Variants in CPLANE1 observed in about 807,000 individuals in gnomAD.
The protein encoded by CPLANE1 is ciliogenesis and planar polarity effector complex subunit 1.
In CPLANE1, 263 loss-of-function variants were observed where a neutral mutation model predicts 362.5. That is an observed-to-expected ratio of 0.73 (90% CI 0.66 to 0.80). The LOEUF (loss-of-function observed/expected upper bound fraction) is 0.80, where lower values mean the gene tolerates loss of function less well. Among genes scored for constraint, CPLANE1 ranks in the 30% least tolerant of loss-of-function variants. The pLI, the probability that CPLANE1 is intolerant of heterozygous loss-of-function variation, is 0.00. For missense variants in CPLANE1, 3,461 were observed against 3,793.4 expected, an observed-to-expected ratio of 0.91 and a Z score of 2.30; for synonymous variants, 1,212 against 1,302.6, an observed-to-expected ratio of 0.93 and a Z score of 1.50.
rs1296532316 is a variant in CPLANE1 at position 37,142,310 on chromosome 5, CAGG to C, written c.8629_8631del (p.Pro2877del). On this transcript the variant is annotated inframe_deletion and splice_region_variant, in exon 44 of 53. Coordinates refer to ENST00000651892, the MANE Select transcript of CPLANE1 (RefSeq NM_001384732.1). ...TAAATGAAAAAGTAAAGAACAATACCAGGAGAAGTAGTATTCTGATCACTGGAA... is the reference window on the plus strand; with the variant it reads ...TAAATGAAAAAGTAAAGAACAATACCAGAAGTAGTATTCTGATCACTGGAA... 1 of 1,554,730 alleles carries C rather than the reference CAGG, an allele frequency of 6.4e-7. No homozygotes were observed.
the CPLANE1 span, among the ~76,000 whole-genome samples, chr5:37,081,341 G>GTC: frequency 4.1e-4 from 62 of 150,324 alleles, no homozygotes; most frequent in South Asian, 6.3e-4. Context: ...TTGAGACAGA[G>GTC]TCTCTCTCTC....
intron 32 of CPLANE1, among the ~76,000 whole-genome samples, chr5:37,171,155 G>A (rs761148510): frequency 1.2e-4 from 18 of 152,072 alleles, no homozygotes; most frequent in Admixed American, 5.9e-4. Flanking sequence ...ATCAATAATC[G>A]CAATGTCTGA....
chr5:37,208,887 G>C (rs1791698369), intron 16 of CPLANE1, among the ~76,000 whole-genome samples: 1 of 150,124 alleles, frequency 6.7e-6, no homozygotes, highest in Non-Finnish European at 1.5e-5. Flanking sequence ...AAAAGAACAA[G>C]TACTTTATCA....
rs189299334 is a variant in CPLANE1 at position 37,205,758 on chromosome 5, G to T, written c.3150-304C>A. 2.3e-4 allele frequency among the ~76,000 whole-genome samples: 35 copies of T among 152,232 alleles called. 1 individual carries two copies. In the East Asian group the frequency reaches 6.2e-3, roughly 27 times the overall value. Reference sequence around the variant, plus strand: ...AGACAGGGTCTCACTCTGTTGCCCAGGCTGACGTGTAATGACATGATCACG... The same window carrying T: ...AGACAGGGTCTCACTCTGTTGCCCATGCTGACGTGTAATGACATGATCACG... On this transcript the variant is annotated intron_variant, in intron 17 of 52. Coordinates refer to ENST00000651892, the MANE Select transcript of CPLANE1 (RefSeq NM_001384732.1).
intron 24 of CPLANE1, among the ~76,000 whole-genome samples, chr5:37,185,483 A>C (rs576745272): frequency 6.6e-6 from 1 of 152,174 alleles, no homozygotes; most frequent in Non-Finnish European, 1.5e-5. Context: ...AAAATCAAGG[A>C]CATTTTTCTT....
intron 47 of CPLANE1, among the ~76,000 whole-genome samples, chr5:37,124,058 G>A (rs553166574): frequency 5.3e-5 from 8 of 152,020 alleles, no homozygotes; most frequent in Non-Finnish European, 1.0e-4. Context: ...GGGCTATCAA[G>A]AAAACGTTAC....
intron 33 of CPLANE1, 46 bp downstream of exon 33, chr5:37,169,995 A>C (rs1419463382): frequency 6.4e-7 from 1 of 1,572,610 alleles, no homozygotes; most frequent in South Asian, 1.2e-5. Context: ...GATTACAGAC[A>C]TGAGCCACCG....
chr5:37,111,893 T>TAAA (rs3065142), intron 51 of CPLANE1, among the ~76,000 whole-genome samples: 1 of 147,176 alleles, frequency 6.8e-6, no homozygotes, highest in African/African-American at 2.5e-5. Flanking sequence ...AACACTGTGT[T>TAAA]AAAAAAAAAA....
chr5:37,111,366 C>T (rs796123896), intron 51 of CPLANE1, among the ~76,000 whole-genome samples: 12 of 152,072 alleles, frequency 7.9e-5, no homozygotes, highest in Admixed American at 5.9e-4. Context: ...CCTCATGATC[C>T]GCCCGCCTCG....
chr5:37,163,320 T>C (rs1041219731), intron 37 of CPLANE1, among the ~76,000 whole-genome samples: 2 of 152,320 alleles, frequency 1.3e-5, no homozygotes, highest in East Asian at 1.9e-4. Context: ...TTCAGAATCA[T>C]GTGTTTCTGG....
chr5:37,194,536 G>A (rs997557071), intron 21 of CPLANE1, among the ~76,000 whole-genome samples: 1 of 151,998 alleles, frequency 6.6e-6, no homozygotes, highest in Non-Finnish European at 1.5e-5. Context: ...ATGAAACTAA[G>A]CTCATGACAG....
chr5:37,239,662 G>A (rs888332644), intron 7 of CPLANE1, 51 bp downstream of exon 7: 2 of 1,257,210 alleles, frequency 1.6e-6, no homozygotes, highest in Non-Finnish European at 2.1e-6. Flanking sequence ...CTCAAAACTG[G>A]AATAAACTCC....
At chr5:37,157,921 G>T in intron 39 of CPLANE1, 53 bp from the exon 40 acceptor site, 1 of 432,072 alleles carries the variant, frequency 2.3e-6, no homozygotes. Flanking sequence ...TACTCTATGT[G>T]GTCACTCCGC....
chr5:37,078,767 G>A, the CPLANE1 span, among the ~76,000 whole-genome samples: 1 of 151,394 alleles, frequency 6.6e-6, no homozygotes, highest in African/African-American at 2.4e-5. Context: ...GGTGTGAGAT[G>A]GTATTTCATT....
rs1259893340 is a variant in CPLANE1 at position 37,168,966 on chromosome 5, G to A, written c.7058C>T (p.Pro2353Leu). 2 of 1,614,030 alleles carry A rather than the reference G, an allele frequency of 1.2e-6. No individual in the cohort carries two copies. Among genetic ancestry groups the A allele is most frequent in the African/African-American group, 1.3e-5 (1 of 74,920 alleles). ...TAACGGAAGTCCAAAGGAATGGTGA[G>A]GAGATATCTCAAGGGTCCCTGGCTT... ...DVKPGTLEIS[P>L]HHSFGLPLLY... Residue 2353 changes from proline (P) to leucine (L), a missense_variant, in exon 34 of 53, where the codon CCT becomes CTT. Transcript: ENST00000651892.
At chr5:37,127,394 T>C (rs147565060) in intron 46 of CPLANE1, among the ~76,000 whole-genome samples, 4 of 152,296 alleles carry the variant, frequency 2.6e-5, no homozygotes, top group African/African-American at 9.6e-5. Flanking sequence ...CTCTTGCTCA[T>C]CAAAATCCCA....
chr5:37,143,428 A>T (rs1433052905), intron 43 of CPLANE1, among the ~76,000 whole-genome samples: 1 of 152,250 alleles, frequency 6.6e-6, no homozygotes. Context: ...ATAAAAAAAC[A>T]GGACACAACA....
intron 46 of CPLANE1, among the ~76,000 whole-genome samples, chr5:37,128,855 C>G (rs116613862): frequency 1.3e-5 from 2 of 149,440 alleles, no homozygotes; most frequent in Non-Finnish European, 3.0e-5. Context: ...TCAAAAAAAA[C>G]CAAAAAAAAA....
Position 37,133,154 on chromosome 5 carries a change from C to T in CPLANE1, c.8792+5566G>A, listed in dbSNP as rs138197711. 2.2e-4 allele frequency among the ~76,000 whole-genome samples: 33 copies of T among 152,238 alleles called. No homozygotes were observed. In the East Asian group the frequency reaches 6.2e-3, roughly 28 times the overall value. On this transcript the variant is annotated intron_variant, in intron 46 of 52. Coordinates refer to ENST00000651892, the MANE Select transcript of CPLANE1 (RefSeq NM_001384732.1). ...CTGTATGTCCATCTTTGTACCAGTA[C>T]CATGCTGTTTTGGTTAGTGTAACCT...
Sources: gnomAD v4.1 joint callset for allele counts (sites outside exome capture counted in the v4.1 genomes callset) on GRCh38, gnomAD v4.1.1 for gene constraint, MANE v1.5 for transcripts, NCBI Gene and HGNC (gene_info 2026-07-23, HGNC 2026-07-21) for gene names.